Variants in FSD1 observed in about 807,000 individuals in gnomAD.
FSD1 encodes the protein fibronectin type III and SPRY domain containing 1.
A neutral mutation model predicts 58.2 loss-of-function variants in FSD1; 23 were observed. That is an observed-to-expected ratio of 0.40 (90% confidence interval 0.28 to 0.56). The LOEUF (loss-of-function observed/expected upper bound fraction) is 0.56, where lower values mean the gene tolerates loss of function less well. Among genes scored for constraint, FSD1 ranks in the 20% least tolerant of loss-of-function variants. The pLI is 0.54. For missense variants in FSD1, 563 were observed against 670.8 expected (o/e 0.84, Z 1.78); for synonymous variants, 265 against 263.4 (o/e 1.01, Z -0.06).
intron 4 of FSD1, among the ~76,000 whole-genome samples, chr19:4,309,419 A>G (rs1018458059): frequency 6.6e-6 from 1 of 152,192 alleles, no homozygotes; most frequent in African/African-American, 2.4e-5. Context: ...TTAACTGGGC[A>G]TCCTGTAGTT....
At chr19:4,315,410 G>A (rs375601767) in intron 7 of FSD1, among the ~76,000 whole-genome samples, 3 of 144,216 alleles carry the variant, frequency 2.1e-5, no homozygotes, top group East Asian at 2.1e-4. Context: ...CCGGGTTCAC[G>A]CCATTCTCCT....
Position 4,318,456 on chromosome 19 carries a change from G to A in FSD1, c.910G>A (p.Glu304Lys), listed in dbSNP as rs141187177. The change falls in exon 9 of 13, where the codon GAG becomes AAG. Residue 304 changes from glutamate to lysine, a missense_variant. Glu to Lys is a moderately conservative substitution (Grantham distance 56). Coordinates refer to ENST00000221856, the MANE Select transcript of FSD1 (RefSeq NM_024333.3). ...GGKVQDIKAR[E>K]KDGKGRTASP... is the part of the protein sequence containing the mutation. ...GAAGGTGCAGGATATCAAGGCTCGC[G>A]AGAAAGATGGCAAGGGGCGGACGGC... is the stretch of plus-strand genomic sequence containing the variant. The A allele has an allele frequency of 3.0e-5, 48 of 1,613,704 alleles. No individual in the cohort carries two copies. Among genetic ancestry groups the A allele is most frequent in the South Asian group, 4.4e-5 (4 of 91,064 alleles).
At chr19:4,306,572 A>G (rs530384017) in intron 3 of FSD1, among the ~76,000 whole-genome samples, 2 of 151,802 alleles carry the variant, frequency 1.3e-5, no homozygotes, top group South Asian at 2.1e-4. Context: ...GGTTCAAGCA[A>G]TTCTCCTACC....
At chr19:4,317,098 A>G in intron 7 of FSD1, 84 bp from the exon 8 acceptor site, 2 of 807,324 alleles carry the variant, frequency 2.5e-6, no homozygotes, top group Middle Eastern at 2.3e-4. Context: ...GTTGGGAATC[A>G]CTGTGGGACA....
chr19:4,305,930 A>C lies in FSD1; in HGVS notation c.16-16A>C, dbSNP rs138508723. Reference sequence around the variant, plus strand: ...TGTGTGTGCACCTGTGTGTGTCCACACTTCTGGTGGTGCAGGAGGCCCTGA... The same window carrying C: ...TGTGTGTGCACCTGTGTGTGTCCACCCTTCTGGTGGTGCAGGAGGCCCTGA... On this transcript the variant is annotated splice_polypyrimidine_tract_variant and intron_variant, in intron 1 of 12. Transcript: ENST00000221856. 2.5e-6 allele frequency: 4 copies of C among 1,604,076 alleles called. No homozygotes were observed. The East Asian group carries it at 8.9e-5, about 36-fold the overall frequency.
rs1453850825 is a variant in FSD1, at chr19:4,321,200, C to G, written c.1040-1786C>G. 1.1e-4 allele frequency among the ~76,000 whole-genome samples: 3 copies of G among 27,784 alleles called. No homozygotes were observed. In the East Asian group the frequency reaches 3.7e-3, roughly 34 times the overall value. 18.2% of individuals were successfully genotyped at this position (27,784 alleles called of 152,430 possible). A position where few individuals can be genotyped will look rare whatever the true frequency, so the allele number is the denominator to read the frequency against. Reference sequence around the variant, plus strand: ...CCTGAGGAGCATCTGGAGGGAATAACTGCAGCCTGAGGAGTATCTGGGGGG... The same window carrying G: ...CCTGAGGAGCATCTGGAGGGAATAAGTGCAGCCTGAGGAGTATCTGGGGGG... On this transcript the variant is annotated intron_variant, in intron 10 of 12. Transcript: ENST00000221856.
rs772916715 is a variant in FSD1, at chr19:4,306,253, C to G, written c.167C>G (p.Ser56Cys). 1 of 1,614,032 alleles carries G rather than the reference C, an allele frequency of 6.2e-7. No individual in the cohort carries two copies. Among genetic ancestry groups the G allele is most frequent in the Non-Finnish European group, 8.5e-7 (1 of 1,179,936 alleles). ...DLEAEFQSLF[S>C]LLEELKEGML... The stretch of plus-strand genomic sequence containing the variant: ...GAAGCAGAGTTCCAGTCCCTCTTCT[C>G]CCTCCTGGAGGAGCTGAAAGAAGGC... The change falls in exon 3 of 13, where the codon TCC becomes TGC. Residue 56 changes from serine (S) to cysteine (C), a missense_variant. Transcript: ENST00000221856.
At chr19:4,309,215 T>A (rs1023993223) in intron 4 of FSD1, among the ~76,000 whole-genome samples, 6 of 151,826 alleles carry the variant, frequency 4.0e-5, no homozygotes, top group Non-Finnish European at 8.8e-5. Flanking sequence ...TACACTGCAC[T>A]CTAGCCTGAG....
Position 4,311,944 on chromosome 19 carries a change from A to T in FSD1, c.593A>T (p.Tyr198Phe), listed in dbSNP as rs199532115. The change falls in exon 7 of 13, where the codon TAC becomes TTC. Residue 198 changes from tyrosine (Y) to phenylalanine (F), a missense_variant. By Grantham distance (22) the Tyr-to-Phe change is conservative. Coordinates refer to ENST00000221856, the MANE Select transcript of FSD1 (RefSeq NM_024333.3). ...MPDEDSKIDH[Y>F]VLEYRRTNFE... Reference sequence around the variant, plus strand: ...GATGAGGACAGCAAGATTGACCACTACGTGCTGGAGTACCGGCGGACCAAC... The same window carrying T: ...GATGAGGACAGCAAGATTGACCACTTCGTGCTGGAGTACCGGCGGACCAAC... 7 of 1,613,804 alleles carry T rather than the reference A, an allele frequency of 4.3e-6. No individual in the cohort carries two copies. The highest frequency in any genetic ancestry group is 4.2e-6 in the Non-Finnish European group (5 of 1,180,014).
intron 10 of FSD1, among the ~76,000 whole-genome samples, chr19:4,321,317 A>G (rs952517993): frequency 7.6e-6 from 1 of 132,288 alleles, no homozygotes. Context: ...ATCTGTGGAA[A>G]TAGCTGGGAC....
chr19:4,310,675 G>T lies in FSD1; in HGVS notation c.490+79G>T. ...CTAGGAGGCCCTGAAACAGGACCTGGAGTATGGTGGACGACCCGGTGTCTG... is the reference window on the plus strand; with the variant it reads ...CTAGGAGGCCCTGAAACAGGACCTGTAGTATGGTGGACGACCCGGTGTCTG... On this transcript the variant is annotated intron_variant, in intron 6 of 12. Coordinates refer to ENST00000221856, the MANE Select transcript of FSD1 (RefSeq NM_024333.3). 3 of 1,498,944 alleles carry T rather than the reference G, an allele frequency of 2.0e-6. No homozygotes were observed. The South Asian group carries it at 3.6e-5, about 18-fold the overall frequency. 92.9% of individuals were successfully genotyped at this position (1,498,944 alleles called of 1,614,324 possible). A position where few individuals can be genotyped will look rare whatever the true frequency, so the allele number is the denominator to read the frequency against.
chr19:4,315,280 A>G (rs1455613012), intron 7 of FSD1, among the ~76,000 whole-genome samples: 1 of 142,590 alleles, frequency 7.0e-6, no homozygotes, highest in African/African-American at 2.7e-5. Flanking sequence ...CACTATAGGC[A>G]TGCGCCCCAA....
At position 4,304,767 on chromosome 19, in the gene FSD1, ACGGGGTGGGG is replaced by A; in HGVS notation, c.15+8_15+17del. ...CAGCCATGGAAGAACAGAGGGTAGG[ACGGGGTGGGG>A]CAGGGCGGGCCCGCAGGGGCGTCGG... is the stretch of plus-strand genomic sequence containing the variant. On this transcript the variant is annotated splice_region_variant and intron_variant, in intron 1 of 12. Transcript: ENST00000221856. 2 of 206,802 alleles carry A rather than the reference ACGGGGTGGGG, an allele frequency of 9.7e-6. No homozygotes were observed. Among genetic ancestry groups the A allele is most frequent in the Non-Finnish European group, 1.5e-5 (2 of 133,722 alleles). The allele number at this position is 206,802 out of a possible 1,614,324, so 12.8% of individuals were successfully genotyped here.
At position 4,311,917 on chromosome 19, in the gene FSD1, C is replaced by T. The variant is rs748425183; in HGVS notation, c.566C>T (p.Pro189Leu). 1.3e-5 allele frequency: 21 copies of T among 1,613,976 alleles called. No homozygotes were observed. The highest frequency in any genetic ancestry group is 1.6e-4 in the Middle Eastern group (1 of 6,064). ...TGTGTGACCCTGGTGTGGCGCATGC[C>T]GGATGAGGACAGCAAGATTGACCAC... The part of the protein sequence containing the change: ...DNCVTLVWRM[P>L]DEDSKIDHYV... Residue 189 changes from proline (P) to leucine (L), a missense_variant, in exon 7 of 13, where the codon CCG (proline) becomes CTG (leucine). Coordinates refer to ENST00000221856, the MANE Select transcript of FSD1 (RefSeq NM_024333.3).
intron 3 of FSD1, among the ~76,000 whole-genome samples, chr19:4,307,178 C>T (rs1656474820): frequency 6.6e-6 from 1 of 152,154 alleles, no homozygotes; most frequent in African/African-American, 2.4e-5. Context: ...TCTTAGCCTC[C>T]CAAGTAGCTG....
At chr19:4,312,801 T>G (rs1421109347) in intron 7 of FSD1, among the ~76,000 whole-genome samples, 1 of 144,528 alleles carries the variant, frequency 6.9e-6, no homozygotes, top group Non-Finnish European at 1.5e-5. Flanking sequence ...CAAGACTCCG[T>G]CTCAAAAAAT....
intron 4 of FSD1, 44 bp from the exon 5 acceptor site, chr19:4,310,229 A>AC: frequency 6.2e-7 from 1 of 1,612,844 alleles, no homozygotes; most frequent in South Asian, 1.1e-5. Context: ...CGTCTCAAAA[A>AC]CAAAAAAAGA....
chr19:4,323,435 C>G lies in FSD1; in HGVS notation c.1379C>G (p.Thr460Arg). 1.9e-6 allele frequency: 3 copies of G among 1,613,230 alleles called. No individual in the cohort carries two copies. Among genetic ancestry groups the G allele is most frequent in the Non-Finnish European group, 2.5e-6 (3 of 1,179,318 alleles). Residue 460 changes from threonine to arginine, a missense_variant and splice_region_variant, in exon 12 of 13, where the codon ACG (threonine) becomes AGG (arginine). Coordinates refer to ENST00000221856, the MANE Select transcript of FSD1 (RefSeq NM_024333.3). This position sits in a 1 kb window ranked among gnomAD's most constrained non-coding sequence, Gnocchi z 7.7. ...ACACAGCCGCTGCTGCCTGCTTTCA[C>G]GGTGAGCTGCCCTCCGCGGCCCAGG... ...RFTQPLLPAF[T>R]VWCGSFQVTT...
Position 4,323,198 on chromosome 19 carries a change from G to T in FSD1, c.1252G>T (p.Val418Leu). The T allele has an allele frequency of 6.2e-7, 1 of 1,604,806 alleles. No individual in the cohort carries two copies. Among genetic ancestry groups the T allele is most frequent in the African/African-American group, 1.3e-5 (1 of 75,002 alleles). Residue 418 changes from valine (V) to leucine (L), a missense_variant, in exon 11 of 13, where the codon GTG becomes TTG. Transcript: ENST00000221856. The surrounding 1 kb of genome is among the most constrained non-coding windows in gnomAD (Gnocchi z 7.7). ...CAAGGTCAAGGTGCTGGACGCCCCC[G>T]TGCCCGACTGCCTGGGTGTGCACTG... is the stretch of plus-strand genomic sequence containing the variant. ...ANKVKVLDAP[V>L]PDCLGVHCDF...
Sources: allele counts gnomAD v4.1 joint callset (sites outside exome capture counted in the v4.1 genomes callset), GRCh38; gene constraint gnomAD v4.1.1; non-coding constraint Gnocchi (gnomAD v3.1); transcripts MANE v1.5; gene names NCBI Gene and HGNC (gene_info 2026-07-23, HGNC 2026-07-21).